Variants in IDUA observed in about 807,000 individuals in gnomAD.
IDUA encodes the protein alpha-L-iduronidase.
A neutral mutation model predicts 68.9 loss-of-function variants in IDUA; 65 were observed. The ratio of observed to expected loss-of-function variants is 0.94; its 90% confidence interval spans 0.77 to 1.16. The LOEUF (loss-of-function observed/expected upper bound fraction) is 1.16, where lower values mean the gene tolerates loss of function less well. IDUA is among the 50% of genes most tolerant of loss of function. The pLI is 0.00. For missense variants in IDUA, 1,046 were observed against 938.0 expected (o/e 1.12, Z -1.50); for synonymous variants, 529 against 433.6 (o/e 1.22, Z -2.73).
chr4:994,371 G>A lies in IDUA; in HGVS notation c.300-6241G>A, dbSNP rs564122212. ...GCTCACTGGAAGCTCTGCCTCCTGG[G>A]TTCACGCCATTCTCCTGCCTCAGCC... is the stretch of plus-strand genomic sequence containing the variant. On this transcript the variant is annotated intron_variant, in intron 2 of 13. Transcript: ENST00000514224. Among the ~76,000 whole-genome samples the A allele has an allele frequency of 3.6e-4, 54 of 151,984 alleles. No individual in the cohort carries two copies. The South Asian group carries it at 0.011, about 30-fold the overall frequency.
rs372948062 is a variant in IDUA at position 1,001,701 on chromosome 4, C to T, written c.612C>T (p.Ala204=). 4 of 1,600,446 alleles carry T rather than the reference C, an allele frequency of 2.5e-6. No individual in the cohort carries two copies. Among genetic ancestry groups the T allele is most frequent in the Non-Finnish European group, 3.4e-6 (4 of 1,179,024 alleles). Residue 204 remains alanine, a synonymous_variant, in exon 6 of 14, where the codon GCC becomes GCT. Transcript: ENST00000514224. ...TMQGFLNYYD[A]CSEGLRAASP... Reference sequence around the variant, plus strand: ...CAGGCTTCCTGAACTACTACGATGCCTGCTCGGAGGGTCTGCGCGCCGCCA... The same window carrying T: ...CAGGCTTCCTGAACTACTACGATGCTTGCTCGGAGGGTCTGCGCGCCGCCA...
chr4:990,125 C>G, intron 2 of IDUA: 1 of 1,576,642 alleles, frequency 6.3e-7, no homozygotes, highest in East Asian at 2.3e-5. Context: ...AGCAGCACCG[C>G]CAGGCACACC....
At chr4:987,710 G>C in intron 1 of IDUA, 99 bp from the exon 2 acceptor site, 4 of 1,569,790 alleles carry the variant, frequency 2.5e-6, no homozygotes, top group Non-Finnish European at 3.5e-6. Context: ...GCAGCGCCTG[G>C]ATCCTGCGCC....
rs751005613 is a variant in IDUA, at chr4:1,003,461, G to T, written c.1641G>T (p.Pro547=). 7.7e-6 allele frequency: 12 copies of T among 1,560,686 alleles called. No individual in the cohort carries two copies. The highest frequency in any genetic ancestry group is 1.9e-5 in the Admixed American group (1 of 53,850). ...ACGTGTGTGCGCGCCCCGAGAAGCC[G>T]CCCGGGCAGGCAAGTGGCAGTCCCC... The part of the protein sequence containing the change: ...LVHVCARPEK[P]PGQVTRLRAL... The change falls in exon 11 of 14, where the codon CCG becomes CCT. Residue 547 remains proline (P), a synonymous_variant. Transcript: ENST00000514224.
chr4:995,189 C>T (rs768006581), intron 2 of IDUA, among the ~76,000 whole-genome samples: 12 of 151,972 alleles, frequency 7.9e-5, no homozygotes, highest in South Asian at 2.1e-4. Flanking sequence ...GGACTACAGG[C>T]GTGTGCCACC....
intron 1 of IDUA, chr4:987,507 C>T (rs923396425): frequency 4.8e-6 from 4 of 830,118 alleles, no homozygotes; most frequent in Middle Eastern, 3.7e-4. Context: ...TGGGAGTGGA[C>T]GGCCCTGCAG....
Position 1,003,339 on chromosome 4 carries a change from G to A in IDUA, c.1525-6G>A, listed in dbSNP as rs1560549741. ...GAGAACCCTGAGGACCGGCCACTGCGCCCAGGACCCGGTGGCCGCGGCGCC... is the reference window on the plus strand; with the variant it reads ...GAGAACCCTGAGGACCGGCCACTGCACCCAGGACCCGGTGGCCGCGGCGCC... On this transcript the variant is annotated splice_polypyrimidine_tract_variant and splice_region_variant and intron_variant, in intron 10 of 13. Transcript: ENST00000514224. 7 of 1,453,894 alleles carry A rather than the reference G, an allele frequency of 4.8e-6. No individual in the cohort carries two copies. The highest frequency in any genetic ancestry group is 6.3e-6 in the Non-Finnish European group (7 of 1,112,230). 90.1% of individuals were successfully genotyped at this position (1,453,894 alleles called of 1,614,324 possible). A position where few individuals can be genotyped will look rare whatever the true frequency, so the allele number is the denominator to read the frequency against.
chr4:1,003,820 C>T, intron 12 of IDUA, 192 bp from the exon 13 acceptor site: 1 of 783,028 alleles, frequency 1.3e-6, no homozygotes, highest in South Asian at 1.5e-5. Context: ...GTGGGTTCTC[C>T]TAGGGGACAT....
chr4:991,190 C>T lies in IDUA; in HGVS notation c.299+3241C>T, dbSNP rs755127826. 3.4e-5 allele frequency: 54 copies of T among 1,593,890 alleles called. No homozygotes were observed. The highest frequency in any genetic ancestry group is 6.7e-5 in the African/African-American group (5 of 74,682). ...ACACGGATGGCGTAGCAGTCACGCC[C>T]GCAGTCCAGCATGGCAGCCGAGCCG... is the stretch of plus-strand genomic sequence containing the variant. On this transcript the variant is annotated intron_variant, in intron 2 of 13. Coordinates refer to ENST00000514224, the MANE Select transcript of IDUA (RefSeq NM_000203.5).
chr4:1,004,543 T>G lies in IDUA; in HGVS notation c.*150T>G. On this transcript the variant is annotated 3_prime_UTR_variant, in exon 14 of 14. Coordinates refer to ENST00000514224, the MANE Select transcript of IDUA (RefSeq NM_000203.5). The surrounding 1 kb of genome is among the most constrained non-coding windows in gnomAD (Gnocchi z 5.0). ...TATATCTTGGTACCAACGCCCCCTT[T>G]AAAGCGGCTTTGCACAGGTCAGTCT... The G allele has an allele frequency of 1.3e-6, 1 of 796,778 alleles. No individual in the cohort carries two copies. Among genetic ancestry groups the G allele is most frequent in the African/African-American group, 1.7e-5 (1 of 57,612 alleles). 49.4% of individuals were successfully genotyped at this position (796,778 alleles called of 1,614,324 possible). A position where few individuals can be genotyped will look rare whatever the true frequency, so the allele number is the denominator to read the frequency against.
At position 1,000,883 on chromosome 4, in the gene IDUA, G is replaced by C. The variant is rs758953576; in HGVS notation, c.387G>C (p.Gly129=). ...DLLRENQLLP[G]FELMGSASGH... is the part of the protein sequence containing the mutation. ...TGGGGCAGCCCTCCTGTGTTCCAGG[G>C]TTTGAGCTGATGGGCAGCGCCTCGG... is the stretch of plus-strand genomic sequence containing the variant. Residue 129 remains glycine, a splice_region_variant and synonymous_variant, in exon 4 of 14, where the codon GGG becomes GGC. Coordinates refer to ENST00000514224, the MANE Select transcript of IDUA (RefSeq NM_000203.5). 1.2e-6 allele frequency: 2 copies of C among 1,612,876 alleles called. No homozygotes were observed. Among genetic ancestry groups the C allele is most frequent in the Non-Finnish European group, 1.7e-6 (2 of 1,179,560 alleles).
chr4:989,585 C>T (rs1208113230), intron 2 of IDUA: 2 of 1,598,660 alleles, frequency 1.3e-6, no homozygotes, highest in Non-Finnish European at 1.7e-6. Flanking sequence ...CGCAGGGCCC[C>T]CCGCAGGCTG....
chr4:1,000,842 G>A (rs1159817956), intron 3 of IDUA, 40 bp from the exon 4 acceptor site: 1 of 1,549,856 alleles, frequency 6.5e-7, no homozygotes, highest in Non-Finnish European at 8.9e-7. Context: ...GCATGGGTGT[G>A]GTGTGTGGTG....
chr4:989,889 G>A (rs1018303848), intron 2 of IDUA: 17 of 1,569,196 alleles, frequency 1.1e-5, no homozygotes, highest in East Asian at 4.7e-5. Flanking sequence ...CGGCAGCCAC[G>A]AGGGCCAGGG....
intron 2 of IDUA, chr4:991,311 G>T: frequency 6.2e-7 from 1 of 1,612,836 alleles, no homozygotes; most frequent in South Asian, 1.1e-5. Context: ...GCCCCACCAT[G>T]AGGCAAAGCA....
In IDUA at chr4:1,003,093, G is replaced by A; in HGVS notation, c.1460G>A (p.Trp487Ter). Residue 487 changes from tryptophan (W) to a stop codon, truncating the protein, a stop_gained, in exon 10 of 14, where the codon TGG becomes TAG. Transcript: ENST00000514224. LOFTEE classifies it high-confidence loss of function. ...DNGLCSPDGE[W>*]RRLGRPVFPT... is the part of the protein sequence containing the mutation. ...GGGCTCTGCAGCCCCGACGGCGAGTGGCGGCGCCTGGGCCGGCCCGTCTTC... is the reference window on the plus strand; with the variant it reads ...GGGCTCTGCAGCCCCGACGGCGAGTAGCGGCGCCTGGGCCGGCCCGTCTTC... 1 of 1,521,016 alleles carries A rather than the reference G, an allele frequency of 6.6e-7. No individual in the cohort carries two copies. The highest frequency in any genetic ancestry group is 8.8e-7 in the Non-Finnish European group (1 of 1,142,814). 94.2% of individuals were successfully genotyped at this position (1,521,016 alleles called of 1,614,324 possible). A position where few individuals can be genotyped will look rare whatever the true frequency, so the allele number is the denominator to read the frequency against.
chr4:998,664 C>G (rs1369703463), intron 2 of IDUA, among the ~76,000 whole-genome samples: 1 of 152,170 alleles, frequency 6.6e-6, no homozygotes, highest in Non-Finnish European at 1.5e-5. Flanking sequence ...TCTCCTCACT[C>G]AGTTCACCCT....
In IDUA at chr4:987,246, A is replaced by G; in HGVS notation, c.158+4A>G. On this transcript the variant is annotated splice_donor_region_variant and intron_variant, in intron 1 of 13. Transcript: ENST00000514224. Reference sequence around the variant, plus strand: ...TCTGGAGGAGCACAGGCTTCTGGTGAGCGCTCCGCGGCCTCCGGGACCCCC... The same window carrying G: ...TCTGGAGGAGCACAGGCTTCTGGTGGGCGCTCCGCGGCCTCCGGGACCCCC... 2 of 1,513,382 alleles carry G rather than the reference A, an allele frequency of 1.3e-6. No individual in the cohort carries two copies. The highest frequency in any genetic ancestry group is 2.0e-5 in the Admixed American group (1 of 49,490). The allele number at this position is 1,513,382 out of a possible 1,614,324, so 93.7% of individuals were successfully genotyped here.
In IDUA at chr4:991,348, C is replaced by T. The variant is rs368990025; in HGVS notation, c.299+3399C>T. 2.1e-4 allele frequency: 337 copies of T among 1,612,756 alleles called. No individual in the cohort carries two copies. Among genetic ancestry groups the T allele is most frequent in the Non-Finnish European group, 2.6e-4 (312 of 1,179,954 alleles). ...GCTGAAGATGCCCACGGAGACATGC[C>T]GTGAGGTGCCCATGAGGAAGTAGAT... On this transcript the variant is annotated intron_variant, in intron 2 of 13. Coordinates refer to ENST00000514224, the MANE Select transcript of IDUA (RefSeq NM_000203.5).
Sources: gnomAD v4.1 joint callset for allele counts (sites outside exome capture counted in the v4.1 genomes callset) on GRCh38, gnomAD v4.1.1 for gene constraint, Gnocchi (gnomAD v3.1) non-coding constraint, MANE v1.5 for transcripts, NCBI Gene and HGNC (gene_info 2026-07-23, HGNC 2026-07-21) for gene names.